KRT40: variants seen among roughly 807,000 people sequenced by gnomAD.
KRT40 encodes keratin, type I cytoskeletal 40.
Under a neutral mutation model 43.5 loss-of-function variants are expected in KRT40, and 47 were observed. That is an observed-to-expected ratio of 1.08 (90% CI 0.86 to 1.38). KRT40 has a LOEUF of 1.38. Ranked by LOEUF, KRT40 falls within the 40% of genes most tolerant of loss-of-function variation. The probability of loss-of-function intolerance (pLI) is 0.00; values close to 1 mark genes in which losing one functional copy is unlikely to be tolerated. For missense variants in KRT40, 573 were observed against 523.6 expected, an observed-to-expected ratio of 1.09 and a Z score of -0.92; for synonymous variants, 212 against 214.0, an observed-to-expected ratio of 0.99 and a Z score of 0.08.
intron 6 of KRT40, 28 bp downstream of exon 6, chr17:40,978,776 G>A (rs140725806): frequency 0.022 from 34,544 of 1,582,126 alleles, 436 homozygotes; most frequent in Middle Eastern, 0.032. Context: ...TGACTCTGGG[G>A]GATTTCATGA....
intron 3 of KRT40, chr17:40,981,455 A>G: frequency 1.8e-6 from 1 of 544,572 alleles, no homozygotes; most frequent in Non-Finnish European, 3.3e-6. Flanking sequence ...AATGTTAGCT[A>G]TGATTGTCAT....
intron 6 of KRT40, 41 bp from the exon 7 acceptor site, chr17:40,978,337 T>C (rs763960787): frequency 1.3e-6 from 2 of 1,518,980 alleles, no homozygotes; most frequent in African/African-American, 1.4e-5. Flanking sequence ...AACAAGGGAA[T>C]GTTGATAAAA....
At chr17:40,983,238 A>G in intron 1 of KRT40, 110 bp from the exon 2 acceptor site, 1 of 543,056 alleles carries the variant, frequency 1.8e-6, no homozygotes, top group Non-Finnish European at 3.3e-6. Flanking sequence ...ATAAGAAAGT[A>G]TAAAATCACC....
chr17:40,978,960 A>G lies in KRT40; in HGVS notation c.1040T>C (p.Ile347Thr), dbSNP rs369422799. ...CTCCAGGTTATCGATCAGACACTGAATTTGGGCCAGCTGGGAGCTGTACTG... is the reference window on the plus strand; with the variant it reads ...CTCCAGGTTATCGATCAGACACTGAGTTTGGGCCAGCTGGGAGCTGTACTG... ...EAQYSSQLAQ[I>T]QCLIDNLENQ... is the part of the protein sequence containing the mutation. The change falls in exon 6 of 7, where the codon ATT becomes ACT. Residue 347 changes from isoleucine to threonine, a missense_variant. Physicochemically the swap from Ile to Thr is moderately conservative, Grantham distance 89. Transcript: ENST00000377755. 214 of 1,613,970 alleles carry G rather than the reference A, an allele frequency of 1.3e-4. No individual in the cohort carries two copies. Among genetic ancestry groups the G allele is most frequent in the Non-Finnish European group, 1.6e-4 (192 of 1,180,006 alleles).
intron 5 of KRT40, among the ~76,000 whole-genome samples, chr17:40,979,753 G>A (rs1476128512): frequency 6.6e-6 from 1 of 152,158 alleles, no homozygotes; most frequent in East Asian, 1.9e-4. Context: ...CATATGTGTG[G>A]TAAGGGGATG....
chr17:40,982,284 A>T (rs1297604543), intron 3 of KRT40, 23 bp downstream of exon 3: 28 of 1,525,752 alleles, frequency 1.8e-5, no homozygotes, highest in Admixed American at 2.2e-5. Flanking sequence ...GGAGTCCTTC[A>T]GCGGAGTTGC....
At position 40,983,966 on chromosome 17, in the gene KRT40, T is replaced by C; in HGVS notation, c.308A>G (p.Tyr103Cys). The C allele has an allele frequency of 6.2e-7, 1 of 1,614,078 alleles. No homozygotes were observed. The highest frequency in any genetic ancestry group is 1.3e-5 in the African/African-American group (1 of 75,014). ...MQFLNDRLAS[Y>C]LEKVRSLEET... ...CTCCAGGCTGCGCACCTTCTCCAGA[T>C]AGCTGGCGAGTCTGTCATTCAGGAA... Residue 103 changes from tyrosine to cysteine, a missense_variant, in exon 1 of 7, where the codon TAT (tyrosine) becomes TGT (cysteine). Transcript: ENST00000377755.
chr17:40,984,252 T>C lies in KRT40; in HGVS notation c.22A>G (p.Thr8Ala). ...CCACAGGACTCAGGAGAGCAGTGTGTGGAGGAGCAGTCAGAAGTCATCCTT... is the reference window on the plus strand; with the variant it reads ...CCACAGGACTCAGGAGAGCAGTGTGCGGAGGAGCAGTCAGAAGTCATCCTT... MTSDCSS[T>A]HCSPESCGTA... is the part of the protein sequence containing the mutation. Residue 8 changes from threonine (T) to alanine (A), a missense_variant, in exon 1 of 7, where the codon ACA becomes GCA. Coordinates refer to ENST00000377755, the MANE Select transcript of KRT40 (RefSeq NM_001389244.1). 6.2e-7 allele frequency: 1 copy of C among 1,610,468 alleles called. No homozygotes were observed. Among genetic ancestry groups the C allele is most frequent in the South Asian group, 1.1e-5 (1 of 90,852 alleles).
At chr17:40,984,756 C>T (rs151112114), upstream of KRT40, among the ~76,000 whole-genome samples, 22 of 152,150 alleles carry the variant, frequency 1.4e-4, no homozygotes, top group African/African-American at 5.3e-4. Context: ...TTTGTGCCAC[C>T]ACCATAAAAA....
Position 40,978,269 on chromosome 17 carries a change from T to G in KRT40, c.1224A>C (p.Thr408=), listed in dbSNP as rs1314223832. The change falls in exon 7 of 7, where the codon ACA becomes ACC. Residue 408 remains threonine (T), a synonymous_variant. Coordinates refer to ENST00000377755, the MANE Select transcript of KRT40 (RefSeq NM_001389244.1). ...GCTCACAAGTGTTGCTCGAGGTGCA[T>G]GTGGTCGAACATGGGCTACAGGAAA... ...SRLSCSPCST[T]CTSSNTCEPC... 6.2e-7 allele frequency: 1 copy of G among 1,614,112 alleles called. No homozygotes were observed. Among genetic ancestry groups the G allele is most frequent in the Non-Finnish European group, 8.5e-7 (1 of 1,179,970 alleles).
Position 40,982,419 on chromosome 17 carries a change from AT to A in KRT40, c.574del (p.Ile192SerfsTer11), listed in dbSNP as rs772943721. The A allele has an allele frequency of 6.2e-7, 1 of 1,609,172 alleles. No individual in the cohort carries two copies. The highest frequency in any genetic ancestry group is 8.5e-7 in the Non-Finnish European group (1 of 1,177,742). On this transcript the variant is annotated frameshift_variant, in exon 3 of 7. Transcript: ENST00000377755. LOFTEE classifies it high-confidence loss of function. ...LSLRQLLEAD[I>X]SSLHGILEEL... The stretch of plus-strand genomic sequence containing the variant: ...CTCCAGGATCCCATGCAGGCTGCTG[AT>A]GTCAGCCTCTAACAGCTGGCGAAGG...
At chr17:40,986,254 ACC>A (rs1421260423), upstream of KRT40, 1 of 152,286 alleles carries the variant, frequency 6.6e-6, no homozygotes, top group African/African-American at 2.4e-5. Context: ...AATAAAAAAA[ACC>A]AAAAAACAAA....
At chr17:40,982,554 GAAGCCA>G in intron 2 of KRT40, 91 bp from the exon 3 acceptor site, 1 of 1,011,294 alleles carries the variant, frequency 9.9e-7, no homozygotes. Flanking sequence ...CGGACTTCAG[GAAGCCA>G]TGTGCATAAT....
At chr17:40,978,565 A>C (rs1296390645) in intron 6 of KRT40, among the ~76,000 whole-genome samples, 3 of 150,766 alleles carry the variant, frequency 2.0e-5, no homozygotes, top group Non-Finnish European at 4.4e-5. Context: ...AGTGGAAAAC[A>C]GGAACAAAGG....
chr17:40,982,284 A>G, intron 3 of KRT40, 23 bp downstream of exon 3: 1 of 1,525,870 alleles, frequency 6.6e-7, no homozygotes, highest in Non-Finnish European at 8.8e-7. Flanking sequence ...GGAGTCCTTC[A>G]GCGGAGTTGC....
At chr17:40,982,639 G>C (rs1347668351) in intron 2 of KRT40, among the ~76,000 whole-genome samples, 176 bp from the exon 3 acceptor site, 1 of 140,552 alleles carries the variant, frequency 7.1e-6, no homozygotes, top group African/African-American at 3.0e-5. Flanking sequence ...ATATTATATA[G>C]AGAATATTTG....
chr17:40,983,966 T>G lies in KRT40; in HGVS notation c.308A>C (p.Tyr103Ser), dbSNP rs1912320104. 2 of 1,614,078 alleles carry G rather than the reference T, an allele frequency of 1.2e-6. No homozygotes were observed. Among genetic ancestry groups the G allele is most frequent in the African/African-American group, 1.3e-5 (1 of 75,014 alleles). Reference protein sequence around the residue: ...MQFLNDRLASYLEKVRSLEET... With the variant: ...MQFLNDRLASSLEKVRSLEET... ...CTCCAGGCTGCGCACCTTCTCCAGA[T>G]AGCTGGCGAGTCTGTCATTCAGGAA... is the stretch of plus-strand genomic sequence containing the variant. Residue 103 changes from tyrosine to serine, a missense_variant, in exon 1 of 7, where the codon TAT (tyrosine) becomes TCT (serine). Transcript: ENST00000377755.
intron 1 of KRT40, among the ~76,000 whole-genome samples, 196 bp downstream of exon 1, chr17:40,983,631 A>C (rs986247399): frequency 1.3e-5 from 2 of 152,192 alleles, no homozygotes; most frequent in Admixed American, 6.5e-5. Context: ...TATTATAGTC[A>C]CTCAGTAATC....
Position 40,977,950 on chromosome 17 carries a change from C to A in KRT40, c.*247G>T. Reference sequence around the variant, plus strand: ...ATCAGCCATAGAGCTATATTTACCACGCTAAAGGAATAAAACACGTTTTAT... The same window carrying A: ...ATCAGCCATAGAGCTATATTTACCAAGCTAAAGGAATAAAACACGTTTTAT... On this transcript the variant is annotated 3_prime_UTR_variant, in exon 7 of 7. Coordinates refer to ENST00000377755, the MANE Select transcript of KRT40 (RefSeq NM_001389244.1). 1 of 421,598 alleles carries A rather than the reference C, an allele frequency of 2.4e-6. No homozygotes were observed. Among genetic ancestry groups the A allele is most frequent in the South Asian group, 4.1e-5 (1 of 24,258 alleles). The allele number at this position is 421,598 out of a possible 1,614,324, so 26.1% of individuals were successfully genotyped here. A position where few individuals can be genotyped will look rare whatever the true frequency, so the allele number is the denominator to read the frequency against.
Sources: gnomAD v4.1 joint callset for allele counts (sites outside exome capture counted in the v4.1 genomes callset) on GRCh38, gnomAD v4.1.1 for gene constraint, MANE v1.5 for transcripts, NCBI Gene and HGNC (gene_info 2026-07-23, HGNC 2026-07-21) for gene names.